Variants in UBE2G1 observed in about 807,000 individuals in gnomAD.
UBE2G1 encodes ubiquitin-conjugating enzyme E2 G1.
UBE2G1 carries 5 observed loss-of-function variants against 22.7 expected under a neutral mutation model. The ratio of observed to expected loss-of-function variants is 0.22; its 90% CI spans 0.12 to 0.46. The LOEUF (loss-of-function observed/expected upper bound fraction) is 0.46, where lower values mean the gene tolerates loss of function less well. Among genes scored for constraint, UBE2G1 ranks in the 20% least tolerant of loss-of-function variants. The probability of loss-of-function intolerance (pLI) is 0.99; values close to 1 mark genes in which losing one functional copy is unlikely to be tolerated. For synonymous variants in UBE2G1, 74 were observed against 67.5 expected (o/e 1.10, Z -0.47); for missense variants, 88 against 203.9 (o/e 0.43, Z 3.46).
chr17:4,278,057 G>A (rs1407009958), intron 5 of UBE2G1, among the ~76,000 whole-genome samples: 2 of 152,036 alleles, frequency 1.3e-5, no homozygotes, highest in Non-Finnish European at 1.5e-5. Context: ...CTACCACTAC[G>A]CCCAGCTACT....
chr17:4,276,196 G>A (rs1274993102), intron 5 of UBE2G1, among the ~76,000 whole-genome samples: 4 of 151,818 alleles, frequency 2.6e-5, no homozygotes, highest in Non-Finnish European at 5.9e-5. Flanking sequence ...AAGCCCCCCC[G>A]CCCTTTTTTT....
chr17:4,346,989 C>A (rs1212319379), intron 1 of UBE2G1, among the ~76,000 whole-genome samples: 6 of 151,726 alleles, frequency 4.0e-5, no homozygotes, highest in African/African-American at 1.5e-4. Flanking sequence ...CCCGTCTCTA[C>A]TAAAAATACA....
chr17:4,285,543 C>A (rs1232073252), intron 4 of UBE2G1, among the ~76,000 whole-genome samples: 2 of 152,014 alleles, frequency 1.3e-5, no homozygotes, highest in African/African-American at 2.4e-5. Flanking sequence ...AGAAATCAAC[C>A]AAGAAGAAAA....
At chr17:4,338,744 T>A (rs1363247003) in intron 1 of UBE2G1, among the ~76,000 whole-genome samples, 1 of 152,068 alleles carries the variant, frequency 6.6e-6, no homozygotes, top group Non-Finnish European at 1.5e-5. Flanking sequence ...TGATCTGGAG[T>A]GAGAGTCAAA....
chr17:4,275,968 C>T (rs1379449363), intron 5 of UBE2G1, among the ~76,000 whole-genome samples: 1 of 152,158 alleles, frequency 6.6e-6, no homozygotes, highest in Non-Finnish European at 1.5e-5. Flanking sequence ...AACTCACTCT[C>T]CTAACTCTCC....
intron 1 of UBE2G1, among the ~76,000 whole-genome samples, chr17:4,343,514 T>G (rs1361284631): frequency 6.6e-6 from 1 of 151,952 alleles, no homozygotes; most frequent in African/African-American, 2.4e-5. Context: ...CAAAAAAAAA[T>G]TTTATGTCCA....
chr17:4,297,337 C>G (rs1969123814), intron 2 of UBE2G1, among the ~76,000 whole-genome samples: 1 of 152,114 alleles, frequency 6.6e-6, no homozygotes, highest in Admixed American at 6.5e-5. Flanking sequence ...ATTTATGTGT[C>G]AAACTCCAGG....
At chr17:4,326,145 C>T (rs1969502462) in intron 1 of UBE2G1, among the ~76,000 whole-genome samples, 1 of 151,792 alleles carries the variant, frequency 6.6e-6, no homozygotes, top group Non-Finnish European at 1.5e-5. Flanking sequence ...TTTAGTTCAT[C>T]AAAAGCAACC....
chr17:4,300,278 C>T (rs1277855352), intron 2 of UBE2G1, among the ~76,000 whole-genome samples: 3 of 152,302 alleles, frequency 2.0e-5, no homozygotes, highest in African/African-American at 7.2e-5. Flanking sequence ...CAAGGTGGCT[C>T]ACGCCTGTAA....
chr17:4,336,004 G>A (rs566117611), intron 1 of UBE2G1, among the ~76,000 whole-genome samples: 1 of 152,076 alleles, frequency 6.6e-6, no homozygotes, highest in South Asian at 2.1e-4. Context: ...AAATTAGCCG[G>A]GCATGGTGGC....
chr17:4,278,141 C>CCA (rs2143673899), intron 5 of UBE2G1, among the ~76,000 whole-genome samples: 1 of 152,360 alleles, frequency 6.6e-6, no homozygotes, highest in South Asian at 2.1e-4. Context: ...CTCAAGTGAT[C>CCA]CACCCATCTT....
intron 1 of UBE2G1, chr17:4,345,697 TAC>T (rs1241063621): frequency 6.6e-6 from 1 of 152,230 alleles, no homozygotes; most frequent in African/African-American, 2.4e-5. Flanking sequence ...AAAAAATGTT[TAC>T]AGACTTAAGA....
intron 1 of UBE2G1, among the ~76,000 whole-genome samples, chr17:4,317,258 G>A (rs1316777923): frequency 6.6e-6 from 1 of 152,220 alleles, no homozygotes; most frequent in Non-Finnish European, 1.5e-5. Context: ...GCTGAGGCAG[G>A]AGAATCGCTT....
intron 1 of UBE2G1, among the ~76,000 whole-genome samples, chr17:4,327,327 T>C (rs1178680562): frequency 6.7e-6 from 1 of 150,118 alleles, no homozygotes; most frequent in Non-Finnish European, 1.5e-5. Context: ...AAAATAGCCG[T>C]AGTGGCGTAG....
intron 1 of UBE2G1, among the ~76,000 whole-genome samples, chr17:4,354,169 G>A (rs1006216611): frequency 1.3e-5 from 2 of 152,022 alleles, no homozygotes; most frequent in Non-Finnish European, 2.9e-5. Context: ...TCTTTTAAAG[G>A]TCAAGCACAA....
chr17:4,366,182 C>A, intron 1 of UBE2G1, 89 bp downstream of exon 1: 2 of 1,384,708 alleles, frequency 1.4e-6, no homozygotes, highest in South Asian at 1.4e-5. Flanking sequence ...TTCGGCAGTA[C>A]GGCCGCTGGC....
chr17:4,326,128 T>G (rs1475206960), intron 1 of UBE2G1, among the ~76,000 whole-genome samples: 1 of 151,508 alleles, frequency 6.6e-6, no homozygotes, highest in Non-Finnish European at 1.5e-5. Flanking sequence ...GGATCAAAAT[T>G]TAAAACTTTA....
At chr17:4,302,067 T>G (rs1395663670) in intron 2 of UBE2G1, 2 of 509,622 alleles carry the variant, frequency 3.9e-6, no homozygotes, top group East Asian at 1.1e-4. Flanking sequence ...AGTTTTTACA[T>G]TAACTGATGT....
intron 1 of UBE2G1, among the ~76,000 whole-genome samples, chr17:4,333,592 C>T (rs973653667): frequency 1.3e-5 from 2 of 152,048 alleles, no homozygotes; most frequent in East Asian, 1.9e-4. Context: ...GAGGCTGAGG[C>T]GGGTGGATCA....
Sources: allele counts gnomAD v4.1 joint callset (sites outside exome capture counted in the v4.1 genomes callset), GRCh38; gene constraint gnomAD v4.1.1; transcripts MANE v1.5; gene names NCBI Gene and HGNC (gene_info 2026-07-23, HGNC 2026-07-21).